Variants in TMEM132D observed in about 807,000 individuals in gnomAD.
TMEM132D encodes the protein mature OL transmembrane protein.
TMEM132D carries 21 observed loss-of-function variants against 62.3 expected under a neutral mutation model. That is an observed-to-expected ratio of 0.34 (90% CI 0.24 to 0.49). The LOEUF (loss-of-function observed/expected upper bound fraction) is 0.49, where lower values mean the gene tolerates loss of function less well. Among genes scored for constraint, TMEM132D ranks in the 20% least tolerant of loss-of-function variants. The probability of loss-of-function intolerance (pLI) is 0.99; values close to 1 mark genes in which losing one functional copy is unlikely to be tolerated. For missense variants in TMEM132D, 1,346 were observed against 1,402.8 expected (o/e 0.96, Z 0.65); for synonymous variants, 621 against 575.6 (o/e 1.08, Z -1.13).
chr12:129,086,664 C>A (rs1027620760), intron 5 of TMEM132D, among the ~76,000 whole-genome samples: 1 of 145,614 alleles, frequency 6.9e-6, no homozygotes, highest in African/African-American at 2.5e-5. Flanking sequence ...CTATATACAA[C>A]ATATAATATA....
intron 3 of TMEM132D, among the ~76,000 whole-genome samples, chr12:129,445,294 G>C (rs10847878): frequency 2.6e-4 from 40 of 151,728 alleles, no homozygotes; most frequent in Non-Finnish European, 5.9e-5. Flanking sequence ...GGAACAACAC[G>C]CTGGGGCCTA....
intron 3 of TMEM132D, among the ~76,000 whole-genome samples, chr12:129,385,292 G>A (rs989546327): frequency 6.6e-6 from 1 of 151,660 alleles, no homozygotes; most frequent in Non-Finnish European, 1.5e-5. Flanking sequence ...TTTTAGTAGA[G>A]GTGGGGTTTT....
chr12:129,335,127 CTTTTTT>C (rs386378228), intron 4 of TMEM132D, among the ~76,000 whole-genome samples: 1 of 104,688 alleles, frequency 9.6e-6, no homozygotes, highest in Non-Finnish European at 1.8e-5. Flanking sequence ...CTAATAAGTA[CTTTTTT>C]TTTTTTTTTT....
intron 4 of TMEM132D, among the ~76,000 whole-genome samples, chr12:129,245,583 C>A (rs958273807): frequency 1.3e-5 from 2 of 150,860 alleles, no homozygotes; most frequent in South Asian, 4.2e-4. Flanking sequence ...AAAGATTGCT[C>A]TCTCCCTTGG....
chr12:129,092,677 C>T (rs1002583484), intron 5 of TMEM132D, among the ~76,000 whole-genome samples: 1 of 152,084 alleles, frequency 6.6e-6, no homozygotes, highest in African/African-American at 2.4e-5. Context: ...GCCTGGGCAA[C>T]AAGAGCGAAA....
At chr12:129,662,812 A>AAGAGAG (rs11465137) in intron 2 of TMEM132D, among the ~76,000 whole-genome samples, 40 of 83,410 alleles carry the variant, frequency 4.8e-4, no homozygotes, top group African/African-American at 1.5e-3. Context: ...AAAAAAAAAA[A>AAGAGAG]AGAGAGAGAG....
chr12:129,384,344 G>A (rs1019477409), intron 3 of TMEM132D, among the ~76,000 whole-genome samples: 13 of 152,096 alleles, frequency 8.5e-5, no homozygotes, highest in East Asian at 1.9e-4. Flanking sequence ...CACGCTGTCC[G>A]AGGTAAATCA....
intron 2 of TMEM132D, among the ~76,000 whole-genome samples, chr12:129,681,097 A>C (rs1880766474): frequency 1.3e-5 from 2 of 152,342 alleles, no homozygotes; most frequent in African/African-American, 4.8e-5. Flanking sequence ...TACTCAGTGA[A>C]AAGCACAGCA....
intron 1 of TMEM132D, among the ~76,000 whole-genome samples, chr12:129,829,067 C>A (rs1023558686): frequency 1.1e-4 from 16 of 151,986 alleles, no homozygotes; most frequent in African/African-American, 1.9e-4. Flanking sequence ...TTCTAGACTT[C>A]TTTTTATGTG....
intron 1 of TMEM132D, among the ~76,000 whole-genome samples, chr12:129,889,351 A>G (rs1874848297): frequency 6.6e-6 from 1 of 152,182 alleles, no homozygotes; most frequent in Non-Finnish European, 1.5e-5. Flanking sequence ...GGCAGAAGTA[A>G]TAGAGCCCAC....
chr12:129,803,538 C>T (rs1565991595), intron 1 of TMEM132D, among the ~76,000 whole-genome samples: 1 of 151,194 alleles, frequency 6.6e-6, no homozygotes, highest in African/African-American at 2.4e-5. Context: ...ACATTCAAAG[C>T]AGTGTGTAGA....
chr12:129,158,236 T>G (rs1003583896), intron 5 of TMEM132D, among the ~76,000 whole-genome samples: 1 of 152,176 alleles, frequency 6.6e-6, no homozygotes, highest in Non-Finnish European at 1.5e-5. Flanking sequence ...TGAATACACA[T>G]GTACATTAGA....
intron 4 of TMEM132D, among the ~76,000 whole-genome samples, chr12:129,294,560 G>C (rs1881523442): frequency 6.6e-6 from 1 of 152,144 alleles, no homozygotes; most frequent in Non-Finnish European, 1.5e-5. Context: ...TCTTCCTGTG[G>C]GAGTTTAGGG....
intron 2 of TMEM132D, among the ~76,000 whole-genome samples, chr12:129,695,681 T>A (rs1376703784): frequency 6.6e-6 from 1 of 152,236 alleles, no homozygotes; most frequent in Non-Finnish European, 1.5e-5. Flanking sequence ...GGAAGCTGCA[T>A]CTGGTCCCTC....
chr12:129,387,689 C>G (rs553117832), intron 3 of TMEM132D, among the ~76,000 whole-genome samples: 1 of 152,162 alleles, frequency 6.6e-6, no homozygotes, highest in Non-Finnish European at 1.5e-5. Flanking sequence ...AATACTAACA[C>G]CAACACCAAT....
intron 3 of TMEM132D, among the ~76,000 whole-genome samples, chr12:129,456,821 GA>G (rs1214168654): frequency 6.6e-6 from 1 of 152,172 alleles, no homozygotes; most frequent in African/African-American, 2.4e-5. Flanking sequence ...TCAGCCAGAG[GA>G]AAATACTAGC....
chr12:129,246,206 C>T (rs1880103246), intron 4 of TMEM132D, among the ~76,000 whole-genome samples: 1 of 152,184 alleles, frequency 6.6e-6, no homozygotes, highest in Non-Finnish European at 1.5e-5. Flanking sequence ...CCTGTTCCTT[C>T]TACACATACT....
intron 2 of TMEM132D, among the ~76,000 whole-genome samples, chr12:129,618,173 G>A (rs1203638092): frequency 6.6e-6 from 1 of 152,198 alleles, no homozygotes; most frequent in East Asian, 1.9e-4. Flanking sequence ...TGTTACAGAT[G>A]CGAGGGTCCT....
intron 5 of TMEM132D, among the ~76,000 whole-genome samples, chr12:129,196,009 C>T (rs1055134438): frequency 6.6e-6 from 1 of 152,066 alleles, no homozygotes; most frequent in Non-Finnish European, 1.5e-5. Context: ...CGCCTGTAAT[C>T]TCAGCTACTT....
Sources: allele counts gnomAD v4.1 joint callset (sites outside exome capture counted in the v4.1 genomes callset), GRCh38; gene constraint gnomAD v4.1.1; transcripts MANE v1.5; gene names NCBI Gene and HGNC (gene_info 2026-07-23, HGNC 2026-07-21).